SLC41A3: variants seen among roughly 807,000 people sequenced by gnomAD.
SLC41A3 encodes the protein solute carrier family 41 member 3.
Under a neutral mutation model 45.4 loss-of-function variants are expected in SLC41A3, and 44 were observed. The observed-to-expected ratio is 0.97, with a 90% CI of 0.76 to 1.25. The LOEUF (loss-of-function observed/expected upper bound fraction) is 1.25. Ranked by LOEUF, SLC41A3 falls within the 50% of genes most tolerant of loss-of-function variation. The pLI is 0.00. For synonymous variants in SLC41A3, 256 were observed against 252.4 expected, an observed-to-expected ratio of 1.01 and a Z score of -0.13; for missense variants, 550 against 600.6, an observed-to-expected ratio of 0.92 and a Z score of 0.88.
At chr3:126,088,004 C>T (rs1945426744), upstream of SLC41A3, among the ~76,000 whole-genome samples, 1 of 152,182 alleles carries the variant, frequency 6.6e-6, no homozygotes, top group Non-Finnish European at 1.5e-5. Flanking sequence ...TGACATTCTG[C>T]AGATTGATAT....
chr3:126,019,025 C>T (rs1262501494), intron 6 of SLC41A3, among the ~76,000 whole-genome samples: 1 of 152,158 alleles, frequency 6.6e-6, no homozygotes, highest in African/African-American at 2.4e-5. Flanking sequence ...ACAGAACACT[C>T]GAAACTGGGT....
chr3:126,061,795 CCA>C (rs1944085565), intron 2 of SLC41A3, among the ~76,000 whole-genome samples: 1 of 152,128 alleles, frequency 6.6e-6, no homozygotes, highest in Non-Finnish European at 1.5e-5. Flanking sequence ...GCTAACAAGC[CCA>C]CACAGCCAGT....
At chr3:126,011,752 G>C (rs1939735186) in intron 9 of SLC41A3, among the ~76,000 whole-genome samples, 1 of 152,194 alleles carries the variant, frequency 6.6e-6, no homozygotes, top group Non-Finnish European at 1.5e-5. Flanking sequence ...ATAAGTCATG[G>C]AATCAGAAGG....
intron 1 of SLC41A3, among the ~76,000 whole-genome samples, chr3:126,077,201 G>T (rs1305887113): frequency 6.6e-6 from 1 of 151,950 alleles, no homozygotes; most frequent in Non-Finnish European, 1.5e-5. Flanking sequence ...AACATGGTGA[G>T]ACCTCATCTC....
chr3:126,022,998 A>T, intron 5 of SLC41A3, 66 bp from the exon 6 acceptor site: 6 of 1,596,762 alleles, frequency 3.8e-6, no homozygotes, highest in Non-Finnish European at 5.1e-6. Context: ...CTGAGCAGGC[A>T]CAGCAGCACA....
chr3:126,051,360 C>T (rs1943325271), intron 2 of SLC41A3, among the ~76,000 whole-genome samples: 2 of 152,264 alleles, frequency 1.3e-5, no homozygotes, highest in South Asian at 4.2e-4. Flanking sequence ...GCACAGGTCC[C>T]GGATGAGAAA....
chr3:126,052,579 C>T lies in SLC41A3; in HGVS notation c.274-1529G>A, dbSNP rs116556457. ...AGTGCTGCAACTCTATGGCTCTCACCGTCTCCCTAAAGGAAGTGGTGGCCT... is the reference window on the plus strand; with the variant it reads ...AGTGCTGCAACTCTATGGCTCTCACTGTCTCCCTAAAGGAAGTGGTGGCCT... On this transcript the variant is annotated intron_variant, in intron 2 of 10. Transcript: ENST00000360370. Among the ~76,000 whole-genome samples, 790 of 152,298 alleles carry T rather than the reference C, an allele frequency of 5.2e-3. 9 individuals are homozygous for T. The highest frequency in any genetic ancestry group is 0.018 in the African/African-American group (743 of 41,568).
intron 2 of SLC41A3, among the ~76,000 whole-genome samples, chr3:126,052,801 T>C (rs9815750): frequency 0.66 from 100,001 of 151,912 alleles, 33,175 homozygotes; most frequent in Middle Eastern, 0.72. Flanking sequence ...TTAATACCGA[T>C]CTTCCTTCCT....
At position 126,097,934 on chromosome 3, in the gene SLC41A3, CT is replaced by C. The variant is rs150267026; in HGVS notation, c.-79+3494del. ...TGTAGACTAGTTCATGCCCCTCTGTCTCCCCCTTACACAGAGCACTTGCAAA... is the reference window on the plus strand; with the variant it reads ...TGTAGACTAGTTCATGCCCCTCTGTCCCCCCTTACACAGAGCACTTGCAAA... On this transcript the variant is annotated intron_variant, in intron 1 of 9. Coordinates refer to the SLC41A3 transcript ENST00000508835. Among the ~76,000 whole-genome samples, 6 of 152,286 alleles carry C rather than the reference CT, an allele frequency of 3.9e-5. No homozygotes were observed. In the East Asian group the frequency reaches 1.2e-3, roughly 29 times the overall value.
At chr3:126,040,914 A>T (rs1942550543) in intron 3 of SLC41A3, among the ~76,000 whole-genome samples, 1 of 152,190 alleles carries the variant, frequency 6.6e-6, no homozygotes, top group Admixed American at 6.5e-5. Flanking sequence ...CAACCAATGG[A>T]AGTACAAAAT....
intron 2 of SLC41A3, chr3:126,058,117 G>GC (rs1424190882): frequency 1.3e-5 from 2 of 152,288 alleles, no homozygotes; most frequent in African/African-American, 4.8e-5. Context: ...ACATGAGTGG[G>GC]CCGTCTTGGG....
intron 8 of SLC41A3, among the ~76,000 whole-genome samples, chr3:126,014,480 A>C (rs1940062922): frequency 6.6e-6 from 1 of 151,854 alleles, no homozygotes; most frequent in African/African-American, 2.4e-5. Context: ...CTAGCTGCAT[A>C]ATTCATGCAG....
At position 126,015,211 on chromosome 3, in the gene SLC41A3, G is replaced by A. The variant is rs1341480223; in HGVS notation, c.970+283C>T. ...CGGAGTTTGACTCAGTGCCTGCAAA[G>A]CCTGGAATTCGGTCCTGTCAGGAGA... On this transcript the variant is annotated intron_variant, in intron 8 of 10. Transcript: ENST00000360370. Among the ~76,000 whole-genome samples the A allele has an allele frequency of 2.0e-5, 3 of 152,224 alleles. No individual in the cohort carries two copies. In the East Asian group the frequency reaches 5.8e-4, roughly 29 times the overall value.
intron 6 of SLC41A3, among the ~76,000 whole-genome samples, chr3:126,020,972 G>A (rs1258164747): frequency 6.6e-6 from 1 of 151,246 alleles, no homozygotes; most frequent in East Asian, 1.9e-4. Flanking sequence ...CCGGCTCACT[G>A]CAAGCTTCGC....
chr3:126,026,549 C>A lies in SLC41A3; in HGVS notation c.454-70G>T. ...CAGCCACACTCCCTGCCCTTCACAC[C>A]TCACTCACCGCAAGGGGCCGGGTGC... On this transcript the variant is annotated intron_variant, in intron 4 of 10. Coordinates refer to ENST00000360370, the MANE Select transcript of SLC41A3 (RefSeq NM_017836.4). This position sits in a 1 kb window ranked among gnomAD's most constrained non-coding sequence, Gnocchi z 4.2. The A allele has an allele frequency of 6.5e-7, 1 of 1,548,754 alleles. No individual in the cohort carries two copies.
At chr3:126,020,958 T>G (rs62264844) in intron 6 of SLC41A3, among the ~76,000 whole-genome samples, 46 of 151,938 alleles carry the variant, frequency 3.0e-4, no homozygotes, top group Admixed American at 1.4e-3. Context: ...ACAGTGGCGC[T>G]ATCCCGGCTC....
chr3:126,072,817 C>A (rs1260534674), intron 1 of SLC41A3, among the ~76,000 whole-genome samples: 1 of 152,194 alleles, frequency 6.6e-6, no homozygotes, highest in African/African-American at 2.4e-5. Context: ...GACACACGCA[C>A]AGGTATGTTC....
At chr3:126,064,358 T>C (rs972470854) in intron 2 of SLC41A3, among the ~76,000 whole-genome samples, 2 of 152,120 alleles carry the variant, frequency 1.3e-5, no homozygotes, top group Non-Finnish European at 2.9e-5. Flanking sequence ...TAGTCAGGAA[T>C]GGAGGGCAGG....
chr3:126,072,380 AAAAAAGGCCAGC>A (rs1663037703), intron 1 of SLC41A3, among the ~76,000 whole-genome samples: 1 of 151,826 alleles, frequency 6.6e-6, no homozygotes, highest in Admixed American at 6.5e-5. Flanking sequence ...AATAAAAAAA[AAAAAAGGCCAGC>A]AAAACCAAAA....
Sources: gnomAD v4.1 joint callset for allele counts (sites outside exome capture counted in the v4.1 genomes callset) on GRCh38, gnomAD v4.1.1 for gene constraint, Gnocchi (gnomAD v3.1) non-coding constraint, MANE v1.5 for transcripts, NCBI Gene and HGNC (gene_info 2026-07-23, HGNC 2026-07-21) for gene names.